The following GRK3 variants were observed in gnomAD, a reference collection of about 807,000 sequenced individuals.
GRK3 encodes adrenergic, beta, receptor kinase 2.
Under a neutral mutation model 95.7 loss-of-function variants are expected in GRK3, and 54 were observed. The observed-to-expected ratio is 0.56, with a 90% CI of 0.45 to 0.71. The LOEUF is 0.71. GRK3 is among the 30% of genes least tolerant of loss of function. GRK3 has a pLI of 0.00. For missense variants in GRK3, 649 were observed against 851.2 expected (o/e 0.76, Z 2.96); for synonymous variants, 281 against 290.8 (o/e 0.97, Z 0.34).
chr22:25,714,299 C>T, intron 17 of GRK3, 109 bp from the exon 18 acceptor site: 1 of 859,800 alleles, frequency 1.2e-6, no homozygotes, highest in Non-Finnish European at 1.8e-6. Flanking sequence ...GCCATCTAGT[C>T]ATCTTCCTAT....
chr22:25,616,946 C>T (rs942844268), intron 2 of GRK3, among the ~76,000 whole-genome samples: 4 of 152,110 alleles, frequency 2.6e-5, no homozygotes, highest in African/African-American at 9.7e-5. Flanking sequence ...TTGAGGTCAG[C>T]ATTAAGCTAA....
intron 2 of GRK3, among the ~76,000 whole-genome samples, chr22:25,625,501 C>T (rs1000851591): frequency 9.2e-5 from 14 of 152,142 alleles, no homozygotes; most frequent in South Asian, 4.1e-4. Context: ...CGTGGTCTAG[C>T]GGCAGCGAAA....
chr22:25,606,699 G>A (rs1039421580), intron 2 of GRK3, among the ~76,000 whole-genome samples: 2 of 152,058 alleles, frequency 1.3e-5, no homozygotes, highest in South Asian at 2.1e-4. Context: ...CAAGGTCCCC[G>A]ACACACAGGA....
intron 1 of GRK3, among the ~76,000 whole-genome samples, chr22:25,579,121 A>T (rs1474154689): frequency 6.6e-6 from 1 of 151,494 alleles, no homozygotes; most frequent in Non-Finnish European, 1.5e-5. Flanking sequence ...GGTATTTAGA[A>T]CCCTAGTTGA....
rs762970367 is a variant in GRK3 at position 25,690,279 on chromosome 22, A to G, written c.1048A>G (p.Ser350Gly). 6.2e-7 allele frequency: 1 copy of G among 1,611,910 alleles called. No individual in the cohort carries two copies. Among genetic ancestry groups the G allele is most frequent in the Admixed American group, 1.7e-5 (1 of 59,986 alleles). The part of the protein sequence containing the change: ...CDFSKKKPHA[S>G]VGTHGYMAPE... The stretch of plus-strand genomic sequence containing the variant: ...TTTTTCCAAAAAGAAGCCTCATGCG[A>G]GTGTGTAAGTAGTGCGTCAACTTCA... Residue 350 changes from serine (S) to glycine (G), a missense_variant, in exon 12 of 21, where the codon AGT becomes GGT. This residue lies in a region of GRK3 where 382 missense variants were observed against 493.8 expected (regional missense o/e 0.77). Coordinates refer to ENST00000324198, the MANE Select transcript of GRK3 (RefSeq NM_005160.4).
chr22:25,648,349 A>AC, intron 3 of GRK3: 1 of 1,286,704 alleles, frequency 7.8e-7, no homozygotes, highest in Non-Finnish European at 1.1e-6. Flanking sequence ...GGTTTATGCC[A>AC]CAAGTTAACA....
intron 15 of GRK3, among the ~76,000 whole-genome samples, chr22:25,707,598 C>G (rs1358828258): frequency 1.3e-5 from 2 of 151,956 alleles, no homozygotes; most frequent in Non-Finnish European, 2.9e-5. Flanking sequence ...ATGAAGAGGC[C>G]TGGGGAGGAA....
chr22:25,663,421 GTA>G (rs778348256), intron 4 of GRK3, among the ~76,000 whole-genome samples: 3 of 152,168 alleles, frequency 2.0e-5, no homozygotes, highest in Non-Finnish European at 2.9e-5. Flanking sequence ...TTCTGGGCAT[GTA>G]TCTAAGAACT....
intron 11 of GRK3, among the ~76,000 whole-genome samples, chr22:25,687,882 C>T (rs570517145): frequency 6.6e-6 from 1 of 152,284 alleles, no homozygotes; most frequent in South Asian, 2.1e-4. Flanking sequence ...AACCCTGGTG[C>T]CTACTACAGT....
intron 1 of GRK3, among the ~76,000 whole-genome samples, chr22:25,596,602 A>G (rs2084374052): frequency 6.6e-6 from 1 of 152,252 alleles, no homozygotes; most frequent in Non-Finnish European, 1.5e-5. Context: ...AATTAAATGC[A>G]GGGGCAAGCA....
intron 10 of GRK3, among the ~76,000 whole-genome samples, chr22:25,686,520 T>C (rs1442962569): frequency 6.6e-6 from 1 of 152,184 alleles, no homozygotes; most frequent in African/African-American, 2.4e-5. Flanking sequence ...AATATGTGTA[T>C]GGAGAGAGAA....
At chr22:25,688,839 A>G (rs1319913895) in intron 11 of GRK3, among the ~76,000 whole-genome samples, 2 of 152,224 alleles carry the variant, frequency 1.3e-5, no homozygotes, top group Non-Finnish European at 2.9e-5. Context: ...GATTGCGCAA[A>G]CATAGAAATG....
chr22:25,621,547 C>T (rs1050800318), intron 2 of GRK3, among the ~76,000 whole-genome samples: 6 of 152,112 alleles, frequency 3.9e-5, no homozygotes, highest in Admixed American at 3.3e-4. Context: ...TATATGATAA[C>T]CTTTGGAGCA....
At chr22:25,700,885 CTT>C (rs1019875576) in intron 13 of GRK3, among the ~76,000 whole-genome samples, 1 of 152,168 alleles carries the variant, frequency 6.6e-6, no homozygotes, top group Non-Finnish European at 1.5e-5. Flanking sequence ...CGCCCGGCCT[CTT>C]TTGGGTATTT....
intron 1 of GRK3, among the ~76,000 whole-genome samples, chr22:25,591,116 G>A (rs1463323431): frequency 6.6e-6 from 1 of 152,064 alleles, no homozygotes; most frequent in East Asian, 1.9e-4. Flanking sequence ...CTTCTGCCTG[G>A]CTGACCACAA....
At chr22:25,696,981 C>T (rs905061462) in intron 13 of GRK3, among the ~76,000 whole-genome samples, 1 of 152,204 alleles carries the variant, frequency 6.6e-6, no homozygotes, top group Admixed American at 6.5e-5. Context: ...CCAGTGGAGT[C>T]GCTTCTATGC....
At chr22:25,671,618 T>C (rs1020493464) in intron 6 of GRK3, among the ~76,000 whole-genome samples, 2 of 152,206 alleles carry the variant, frequency 1.3e-5, no homozygotes, top group Non-Finnish European at 2.9e-5. Flanking sequence ...CTGTGTGACC[T>C]TGGCCAAGCC....
intron 13 of GRK3, among the ~76,000 whole-genome samples, chr22:25,703,181 A>G (rs1013060235): frequency 3.3e-5 from 5 of 152,228 alleles, no homozygotes; most frequent in African/African-American, 1.2e-4. Context: ...GACAAATGTT[A>G]TATAAATGAC....
chr22:25,666,715 C>T lies in GRK3; in HGVS notation c.442-1024C>T, dbSNP rs533492665. Among the ~76,000 whole-genome samples, 4 of 152,168 alleles carry T rather than the reference C, an allele frequency of 2.6e-5. No homozygotes were observed. In the East Asian group the frequency reaches 5.8e-4, roughly 22 times the overall value. On this transcript the variant is annotated intron_variant, in intron 5 of 20. Transcript: ENST00000324198. ...GCTTCTGCAGACTTCCTATTCTCAT[C>T]ACTTGGTTTGTACTGTTCCATGATG...
Sources: gnomAD v4.1 joint callset for allele counts (sites outside exome capture counted in the v4.1 genomes callset) on GRCh38, gnomAD v4.1.1 for gene constraint, gnomAD v4.1.1 regional missense constraint, MANE v1.5 for transcripts, NCBI Gene and HGNC (gene_info 2026-07-23, HGNC 2026-07-21) for gene names.